The following TAF1B variants were observed in gnomAD, a reference collection of about 807,000 sequenced individuals.
TAF1B encodes TATA box-binding protein-associated factor RNA polymerase I subunit B.
Under a neutral mutation model 83.9 loss-of-function variants are expected in TAF1B, and 61 were observed. The observed-to-expected ratio is 0.73, with a 90% CI of 0.59 to 0.90. TAF1B has a LOEUF of 0.90. Ranked by LOEUF, TAF1B falls within the 40% of genes least tolerant of loss-of-function variation. The pLI is 0.00. For synonymous variants in TAF1B, 221 were observed against 224.6 expected (o/e 0.98, Z 0.14); for missense variants, 625 against 677.0 (o/e 0.92, Z 0.85).
At chr2:9,872,659 GA>G (rs1664203281) in intron 6 of TAF1B, among the ~76,000 whole-genome samples, 1 of 152,172 alleles carries the variant, frequency 6.6e-6, no homozygotes, top group South Asian at 2.1e-4. Flanking sequence ...GTTGTAGCAG[GA>G]GAGAGCAGAG....
intron 6 of TAF1B, among the ~76,000 whole-genome samples, chr2:9,870,909 A>G (rs1422199705): frequency 6.6e-6 from 1 of 152,156 alleles, no homozygotes; most frequent in African/African-American, 2.4e-5. Flanking sequence ...CTAATCCATA[A>G]TTTATTACTA....
rs892131342 is a variant in TAF1B, at chr2:9,854,610, C to T, written c.399+189C>T. On this transcript the variant is annotated intron_variant, in intron 5 of 14. Transcript: ENST00000263663. Reference sequence around the variant, plus strand: ...AAACGTTGGAATAAAGTTTTTTCTTCACTTTTTTCCTGCAGTATGGAATTA... The same window carrying T: ...AAACGTTGGAATAAAGTTTTTTCTTTACTTTTTTCCTGCAGTATGGAATTA... Among the ~76,000 whole-genome samples, 3 of 152,170 alleles carry T rather than the reference C, an allele frequency of 2.0e-5. No individual in the cohort carries two copies. In the East Asian group the frequency reaches 5.8e-4, roughly 29 times the overall value.
At chr2:9,846,097 T>A (rs1663199753) in intron 2 of TAF1B, 3 of 470,976 alleles carry the variant, frequency 6.4e-6, no homozygotes, top group South Asian at 3.1e-5. Context: ...ATTATCTCAT[T>A]TCCTCCTCAT....
chr2:9,910,049 C>T (rs530592861), intron 9 of TAF1B, among the ~76,000 whole-genome samples: 2 of 131,478 alleles, frequency 1.5e-5, no homozygotes, highest in East Asian at 4.4e-4. Context: ...TCACAGCTTA[C>T]ATACTTAGAT....
At chr2:9,881,706 T>G (rs1242935661) in intron 7 of TAF1B, among the ~76,000 whole-genome samples, 1 of 152,238 alleles carries the variant, frequency 6.6e-6, no homozygotes, top group Non-Finnish European at 1.5e-5. Context: ...TAGGACTAGG[T>G]ATATAGTATT....
chr2:9,861,130 G>A (rs1663740064), intron 5 of TAF1B, among the ~76,000 whole-genome samples: 2 of 152,270 alleles, frequency 1.3e-5, no homozygotes, highest in Admixed American at 1.3e-4. Context: ...CACCGTGCAT[G>A]AGCCGAAGCA....
intron 5 of TAF1B, among the ~76,000 whole-genome samples, chr2:9,867,673 A>T (rs1460916377): frequency 6.8e-6 from 1 of 146,434 alleles, no homozygotes; most frequent in African/African-American, 2.4e-5. Context: ...CAGCCAGCTG[A>T]CCTTTTTAGG....
intron 14 of TAF1B, 65 bp downstream of exon 14, chr2:9,919,885 G>GT: frequency 4.8e-6 from 7 of 1,465,672 alleles, no homozygotes; most frequent in African/African-American, 1.4e-5. Context: ...AGCCAGATAG[G>GT]TTTTTTGTTG....
chr2:9,865,831 G>A (rs1044157183), intron 5 of TAF1B, among the ~76,000 whole-genome samples: 8 of 150,628 alleles, frequency 5.3e-5, no homozygotes, highest in Admixed American at 2.7e-4. Flanking sequence ...AACAAGCAAA[G>A]GGGAAAGGAT....
At chr2:9,913,753 C>T (rs1460905486) in intron 12 of TAF1B, 1 of 152,724 alleles carries the variant, frequency 6.5e-6, no homozygotes, top group African/African-American at 2.4e-5. Flanking sequence ...CACTGCCTTT[C>T]TTTGAACTGT....
chr2:9,916,404 T>C (rs557388234), intron 12 of TAF1B, among the ~76,000 whole-genome samples: 1 of 152,348 alleles, frequency 6.6e-6, no homozygotes, highest in African/African-American at 2.4e-5. Flanking sequence ...CTTAAGAGTA[T>C]TTTTATTTTA....
intron 14 of TAF1B, among the ~76,000 whole-genome samples, chr2:9,920,212 G>A (rs961245900): frequency 2.0e-5 from 3 of 152,140 alleles, no homozygotes; most frequent in African/African-American, 7.2e-5. Context: ...AGTGACCACA[G>A]TACAGTTATC....
chr2:9,884,072 G>A (rs546928502), intron 8 of TAF1B, among the ~76,000 whole-genome samples: 6 of 152,380 alleles, frequency 3.9e-5, no homozygotes, highest in African/African-American at 4.8e-5. Flanking sequence ...GGATGTGTGA[G>A]CAAGCATGGG....
chr2:9,932,716 A>G (rs1339928866), intron 14 of TAF1B, among the ~76,000 whole-genome samples: 3 of 152,240 alleles, frequency 2.0e-5, no homozygotes, highest in Non-Finnish European at 4.4e-5. Context: ...GCTGTCAGAC[A>G]GGGACGTTTA....
intron 6 of TAF1B, among the ~76,000 whole-genome samples, chr2:9,871,685 G>T (rs1196096785): frequency 6.6e-6 from 1 of 152,084 alleles, no homozygotes; most frequent in Non-Finnish European, 1.5e-5. Context: ...TGCTCTGCTT[G>T]CAAGGTTATT....
intron 7 of TAF1B, among the ~76,000 whole-genome samples, chr2:9,880,426 CTT>C (rs6146620): frequency 0.01 from 771 of 75,012 alleles, 5 homozygotes; most frequent in African/African-American, 0.038. Context: ...GAGTAAGCAG[CTT>C]TTTTTTTTTT....
rs1422875386 is a variant in TAF1B at position 9,917,675 on chromosome 2, ACT to A, written c.1272-1361_1272-1360del. ...TCAACAAATGTTTAAATGAGTTCCT[ACT>A]CTCTACCACTCCCTGACAACACTAG... On this transcript the variant is annotated intron_variant, in intron 12 of 14. Transcript: ENST00000263663. Among the ~76,000 whole-genome samples, 11 of 152,238 alleles carry A rather than the reference ACT, an allele frequency of 7.2e-5. No individual in the cohort carries two copies. In the East Asian group the frequency reaches 1.5e-3, roughly 21 times the overall value.
chr2:9,885,743 G>GCCCC (rs58213359), intron 8 of TAF1B, among the ~76,000 whole-genome samples: 27 of 142,700 alleles, frequency 1.9e-4, no homozygotes, highest in African/African-American at 7.1e-4. Context: ...TTCTCCCCAC[G>GCCCC]CCCCCCCCCA....
intron 14 of TAF1B, among the ~76,000 whole-genome samples, chr2:9,922,297 C>T (rs1195789731): frequency 1.3e-5 from 2 of 152,170 alleles, no homozygotes; most frequent in African/African-American, 4.8e-5. Context: ...CATTGTGGAG[C>T]CAACACGGCC....
Sources: allele counts gnomAD v4.1 joint callset (sites outside exome capture counted in the v4.1 genomes callset), GRCh38; gene constraint gnomAD v4.1.1; transcripts MANE v1.5; gene names NCBI Gene and HGNC (gene_info 2026-07-23, HGNC 2026-07-21).